Variants in BRF1 observed in about 807,000 individuals in gnomAD.
The protein encoded by BRF1 is transcription factor IIIB 90 kDa subunit.
A neutral mutation model predicts 81.7 loss-of-function variants in BRF1; 59 were observed. The observed-to-expected ratio is 0.72, with a 90% CI of 0.59 to 0.90. The LOEUF (loss-of-function observed/expected upper bound fraction) is 0.90, where lower values mean the gene tolerates loss of function less well. BRF1 is among the 40% of genes least tolerant of loss of function. The probability of loss-of-function intolerance (pLI) is 0.00; values close to 1 mark genes in which losing one functional copy is unlikely to be tolerated. For synonymous variants in BRF1, 491 were observed against 395.6 expected (o/e 1.24, Z -2.86); for missense variants, 1,050 against 936.3 (o/e 1.12, Z -1.58).
At chr14:105,302,204 C>CTT (rs1274491955), upstream of BRF1, among the ~76,000 whole-genome samples, 9 of 132,780 alleles carry the variant, frequency 6.8e-5, no homozygotes, top group Non-Finnish European at 9.7e-5. Flanking sequence ...TTTTTTCTTT[C>CTT]TTTTTTTTTT....
chr14:105,272,981 T>C, intron 2 of BRF1, 87 bp from the exon 3 acceptor site: 2 of 1,399,796 alleles, frequency 1.4e-6, no homozygotes, highest in Non-Finnish European at 1.9e-6. Flanking sequence ...ACTTTAAGAA[T>C]ATAGATTTGT....
intron 1 of BRF1, among the ~76,000 whole-genome samples, chr14:105,299,211 A>C (rs1485822811): frequency 6.6e-6 from 1 of 152,050 alleles, no homozygotes; most frequent in African/African-American, 2.4e-5. Context: ...TCACATATAC[A>C]ACAAAGGGCT....
At chr14:105,215,080 G>A (rs1224712106) in intron 15 of BRF1, among the ~76,000 whole-genome samples, 1 of 152,136 alleles carries the variant, frequency 6.6e-6, no homozygotes, top group Non-Finnish European at 1.5e-5. Context: ...AAATATTCCC[G>A]AATCAGATCA....
chr14:105,222,663 C>T (rs1488640171), intron 10 of BRF1: 1 of 151,474 alleles, frequency 6.6e-6, no homozygotes, highest in Non-Finnish European at 1.5e-5. Flanking sequence ...GAGTCTCGCT[C>T]TGTCGCCCAG....
At chr14:105,290,470 G>A (rs2057471094) in intron 1 of BRF1, among the ~76,000 whole-genome samples, 1 of 152,134 alleles carries the variant, frequency 6.6e-6, no homozygotes, top group Non-Finnish European at 1.5e-5. Context: ...AAGAACAGGG[G>A]ACGCCGTACA....
At chr14:105,302,146 C>CAA (rs377143444), upstream of BRF1, among the ~76,000 whole-genome samples, 1 of 116,590 alleles carries the variant, frequency 8.6e-6, no homozygotes, top group Non-Finnish European at 1.8e-5. Flanking sequence ...AACTCTGTCT[C>CAA]AAAAAAAAAA....
intron 1 of BRF1, among the ~76,000 whole-genome samples, chr14:105,298,675 T>C (rs2057841363): frequency 6.7e-6 from 1 of 148,322 alleles, no homozygotes; most frequent in Non-Finnish European, 1.5e-5. Context: ...ACGAACAGGG[T>C]GAAACCCTGT....
chr14:105,254,571 G>C (rs930346408), intron 4 of BRF1, among the ~76,000 whole-genome samples: 38 of 145,292 alleles, frequency 2.6e-4, no homozygotes, highest in African/African-American at 9.5e-4. Flanking sequence ...TTTTTTGTTT[G>C]TTTTCTTGAG....
Position 105,210,560 on chromosome 14 carries a change from G to T in BRF1, c.2025C>A (p.Asp675Glu). The T allele has an allele frequency of 6.2e-7, 1 of 1,611,314 alleles. No homozygotes were observed. The highest frequency in any genetic ancestry group is 8.5e-7 in the Non-Finnish European group (1 of 1,179,848). ...GCCTGGAGGCCACACTTCAGTAGCC[G>T]TCGTCCTCATCGCCATCACAGCCAT... ...NDYGCDGDEDDGY is the reference protein window; with the variant it reads ...NDYGCDGDEDEGY The change falls in exon 18 of 18, where the codon GAC becomes GAA. Residue 675 changes from aspartate to glutamate, a missense_variant. Physicochemically the swap from Asp to Glu is conservative, Grantham distance 45. Around this residue, in one of 2 missense-constraint regions of BRF1, gnomAD observed 1,043 missense variants for 915.4 expected, o/e 1.14. Coordinates refer to ENST00000547530, the MANE Select transcript of BRF1 (RefSeq NM_001519.4). This position sits in a 1 kb window ranked among gnomAD's most constrained non-coding sequence, Gnocchi z 4.7.
chr14:105,260,538 A>AT (rs993254860), intron 3 of BRF1, among the ~76,000 whole-genome samples: 14 of 151,008 alleles, frequency 9.3e-5, no homozygotes, highest in African/African-American at 2.9e-4. Context: ...TGCCTGGCTA[A>AT]TTTTTTTTTG....
chr14:105,283,817 G>T (rs1458679593), intron 2 of BRF1, among the ~76,000 whole-genome samples: 1 of 152,150 alleles, frequency 6.6e-6, no homozygotes, highest in Non-Finnish European at 1.5e-5. Context: ...AGAAAATCTT[G>T]AAGTCAGTAG....
intron 3 of BRF1, 101 bp from the exon 4 acceptor site, chr14:105,256,650 G>T (rs906191919): frequency 6.6e-7 from 1 of 1,511,622 alleles, no homozygotes; most frequent in Admixed American, 2.1e-5. Context: ...CAGGGAGCTG[G>T]AGTCGCCCCT....
intron 5 of BRF1, chr14:105,247,128 T>C (rs957281938): frequency 1.6e-5 from 16 of 985,360 alleles, no homozygotes; most frequent in Non-Finnish European, 1.9e-5. Context: ...AGCCAGCGTG[T>C]CTTTGCCAGT....
At position 105,309,834 on chromosome 14, in the gene BRF1, G is replaced by A. The variant is rs2058298093; in HGVS notation, c.-162+5488C>T. Reference sequence around the variant, plus strand: ...GGAGTCTCACTCTCTTGCCCAGGCAGGAGTGCAGTGGCACAATCTCGGCTC... The same window carrying A: ...GGAGTCTCACTCTCTTGCCCAGGCAAGAGTGCAGTGGCACAATCTCGGCTC... On this transcript the variant is annotated intron_variant, in intron 1 of 17. Transcript: ENST00000327359. This position sits in a 1 kb window ranked among gnomAD's most constrained non-coding sequence, Gnocchi z 4.0. Among the ~76,000 whole-genome samples the A allele has an allele frequency of 6.9e-6, 1 of 145,680 alleles. No homozygotes were observed. The highest frequency in any genetic ancestry group is 2.2e-4 in the South Asian group (1 of 4,624).
chr14:105,314,930 AGGCCGCCTC>A, intron 1 of BRF1: 1 of 1,085,954 alleles, frequency 9.2e-7, no homozygotes, highest in Non-Finnish European at 1.1e-6. Context: ...TGGCCGAGCG[AGGCCGCCTC>A]GGCCTCCCCG....
At chr14:105,242,808 A>C (rs2054788632) in intron 5 of BRF1, among the ~76,000 whole-genome samples, 1 of 151,648 alleles carries the variant, frequency 6.6e-6, no homozygotes, top group African/African-American at 2.4e-5. Context: ...AGTCTATACA[A>C]AAGTTTTTGA....
intron 4 of BRF1, chr14:105,256,317 A>G: frequency 6.5e-7 from 1 of 1,548,662 alleles, no homozygotes; most frequent in Non-Finnish European, 8.7e-7. Flanking sequence ...GGAGACCCAC[A>G]CTCCCACAAG....
intron 6 of BRF1, among the ~76,000 whole-genome samples, chr14:105,229,390 G>A (rs1004240912): frequency 1.3e-5 from 2 of 152,206 alleles, no homozygotes; most frequent in Non-Finnish European, 2.9e-5. Context: ...CTTCTCAGGT[G>A]GACTGAATCC....
At chr14:105,262,013 C>T (rs2056183035) in intron 3 of BRF1, among the ~76,000 whole-genome samples, 1 of 152,258 alleles carries the variant, frequency 6.6e-6, no homozygotes, top group Non-Finnish European at 1.5e-5. Context: ...GCCGAAGCTC[C>T]GTGTAGAGCA....
Sources: gnomAD v4.1 joint callset for allele counts (sites outside exome capture counted in the v4.1 genomes callset) on GRCh38, gnomAD v4.1.1 for gene constraint, gnomAD v4.1.1 regional missense constraint, Gnocchi (gnomAD v3.1) non-coding constraint, MANE v1.5 for transcripts, NCBI Gene and HGNC (gene_info 2026-07-23, HGNC 2026-07-21) for gene names.